The following TNNI3K variants were observed in gnomAD, a reference collection of about 807,000 sequenced individuals.
The protein encoded by TNNI3K is serine/threonine-protein kinase TNNI3K.
A neutral mutation model predicts 114.5 loss-of-function variants in TNNI3K; 140 were observed. That is an observed-to-expected ratio of 1.22 (90% CI 1.07 to 1.41). The LOEUF is 1.41. Ranked by LOEUF, TNNI3K falls within the 40% of genes most tolerant of loss-of-function variation. The pLI is 0.00. For missense variants in TNNI3K, 1,125 were observed against 1,007.6 expected (o/e 1.12, Z -1.58); for synonymous variants, 347 against 347.5 (o/e 1.00, Z 0.02).
At chr1:74,454,813 A>T (rs1167409784) in intron 20 of TNNI3K, among the ~76,000 whole-genome samples, 3 of 152,110 alleles carry the variant, frequency 2.0e-5, no homozygotes, top group African/African-American at 7.2e-5. Flanking sequence ...CATCTCAGTG[A>T]CTGTACAAAT....
intron 4 of TNNI3K, among the ~76,000 whole-genome samples, chr1:74,254,016 T>TAC (rs1655124765): frequency 6.6e-6 from 1 of 152,262 alleles, no homozygotes; most frequent in South Asian, 2.1e-4. Context: ...ATAATTCATT[T>TAC]TGGGCTCCAG....
At chr1:74,407,013 C>T (rs533114716) in intron 17 of TNNI3K, among the ~76,000 whole-genome samples, 12 of 152,298 alleles carry the variant, frequency 7.9e-5, no homozygotes, top group African/African-American at 2.9e-4. Context: ...CCCATCCAAG[C>T]CTTCCAACAA....
chr1:74,529,371 A>C (rs2100435435), intron 23 of TNNI3K, among the ~76,000 whole-genome samples: 1 of 152,274 alleles, frequency 6.6e-6, no homozygotes, highest in South Asian at 2.1e-4. Flanking sequence ...CTCTGATAAA[A>C]CCAAATTGAA....
At chr1:74,250,185 C>A (rs1169130982) in intron 3 of TNNI3K, among the ~76,000 whole-genome samples, 4 of 152,150 alleles carry the variant, frequency 2.6e-5, no homozygotes, top group African/African-American at 7.2e-5. Flanking sequence ...AACCATATTC[C>A]TTAACCATTT....
chr1:74,413,523 T>C (rs551809412), intron 17 of TNNI3K, among the ~76,000 whole-genome samples: 1 of 152,224 alleles, frequency 6.6e-6, no homozygotes, highest in Admixed American at 6.5e-5. Flanking sequence ...GATATGTTAA[T>C]GTTTAAGAAA....
At chr1:74,465,814 C>A (rs1202955259) in intron 21 of TNNI3K, among the ~76,000 whole-genome samples, 1 of 152,174 alleles carries the variant, frequency 6.6e-6, no homozygotes, top group Non-Finnish European at 1.5e-5. Flanking sequence ...GGACCGTAAA[C>A]ACACCAATCA....
intron 21 of TNNI3K, among the ~76,000 whole-genome samples, chr1:74,481,990 C>G (rs1668529313): frequency 6.6e-6 from 1 of 152,176 alleles, no homozygotes; most frequent in South Asian, 2.1e-4. Flanking sequence ...AGAGTGCCTT[C>G]TTTTGGAAGA....
intron 17 of TNNI3K, among the ~76,000 whole-genome samples, chr1:74,402,477 C>T (rs1378200824): frequency 6.6e-6 from 1 of 152,198 alleles, no homozygotes; most frequent in Non-Finnish European, 1.5e-5. Context: ...TGAACCATGG[C>T]AAGTTGAATC....
At chr1:74,350,776 G>A (rs1048655595) in intron 9 of TNNI3K, among the ~76,000 whole-genome samples, 6 of 147,748 alleles carry the variant, frequency 4.1e-5, no homozygotes, top group African/African-American at 1.6e-4. Flanking sequence ...TTATCCAAGA[G>A]TAGGATTGCA....
intron 5 of TNNI3K, among the ~76,000 whole-genome samples, chr1:74,329,263 A>G (rs1385475465): frequency 1.3e-5 from 2 of 152,070 alleles, no homozygotes; most frequent in Non-Finnish European, 2.9e-5. Context: ...CATGAAACAG[A>G]GTAGACTTTG....
At chr1:74,416,084 G>A (rs1048237291) in intron 17 of TNNI3K, among the ~76,000 whole-genome samples, 3 of 152,132 alleles carry the variant, frequency 2.0e-5, no homozygotes, top group African/African-American at 7.2e-5. Context: ...TTTGGAGGAA[G>A]GTGCTGTACG....
chr1:74,307,399 T>G (rs1034642374), intron 5 of TNNI3K, among the ~76,000 whole-genome samples: 1 of 152,118 alleles, frequency 6.6e-6, no homozygotes, highest in Non-Finnish European at 1.5e-5. Context: ...ATGTGATGGG[T>G]TTACTTTGAC....
chr1:74,544,062 A>G lies in TNNI3K; in HGVS notation c.*80A>G. The G allele has an allele frequency of 6.7e-7, 1 of 1,490,428 alleles. No individual in the cohort carries two copies. Among genetic ancestry groups the G allele is most frequent in the Non-Finnish European group, 9.1e-7 (1 of 1,096,688 alleles). 92.3% of individuals were successfully genotyped at this position (1,490,428 alleles called of 1,614,324 possible). ...TCCAACCACGGCAAGCTGGCTTCCA[A>G]CTATAACATTTTACTCTCAAAGGTC... On this transcript the variant is annotated 3_prime_UTR_variant, in exon 25 of 25. Transcript: ENST00000326637.
At position 74,388,416 on chromosome 1, in the gene TNNI3K, G is replaced by A. The variant is rs1016718039; in HGVS notation, c.1772+18024G>A. ...AGAAACAGTGGAAAAGGAGGAGGAG[G>A]AAAATGCAGATGCAGTGACAATTCA... On this transcript the variant is annotated intron_variant, in intron 17 of 24. Coordinates refer to ENST00000326637, the MANE Select transcript of TNNI3K (RefSeq NM_015978.3). Among the ~76,000 whole-genome samples, 9 of 152,300 alleles carry A rather than the reference G, an allele frequency of 5.9e-5. No individual in the cohort carries two copies. In the South Asian group the frequency reaches 1.4e-3, roughly 25 times the overall value.
intron 11 of TNNI3K, among the ~76,000 whole-genome samples, chr1:74,362,835 TACAC>T (rs575468997): frequency 6.6e-6 from 1 of 152,088 alleles, no homozygotes; most frequent in Non-Finnish European, 1.5e-5. Flanking sequence ...ATTTGGAGAA[TACAC>T]ACAGGACTGA....
intron 3 of TNNI3K, among the ~76,000 whole-genome samples, chr1:74,249,965 G>A (rs1402378944): frequency 1.3e-5 from 2 of 152,160 alleles, no homozygotes; most frequent in African/African-American, 2.4e-5. Context: ...TGATCGAAGT[G>A]AAGATTAAGA....
chr1:74,451,847 T>C (rs1667042764), intron 20 of TNNI3K, among the ~76,000 whole-genome samples: 2 of 151,150 alleles, frequency 1.3e-5, no homozygotes, highest in Non-Finnish European at 2.9e-5. Flanking sequence ...TACCTCAGAT[T>C]TGTCTATTTC....
intron 23 of TNNI3K, among the ~76,000 whole-genome samples, chr1:74,522,254 A>T (rs538544722): frequency 6.6e-6 from 1 of 152,322 alleles, no homozygotes; most frequent in East Asian, 1.9e-4. Flanking sequence ...TTTAGGACAG[A>T]TCTGCTCTTG....
At position 74,235,472 on chromosome 1, in the gene TNNI3K, A is replaced by AC. The variant is rs1653790690; in HGVS notation, c.23dup (p.Thr9AsnfsTer6). ...AATAAATGGGAAATTATAAATCTAG[A>AC]CCAACCCAAACTTGTACTGGTAATT... On this transcript the variant is annotated frameshift_variant, in exon 1 of 25. Transcript: ENST00000326637. LOFTEE classifies it high-confidence loss of function. 6.6e-7 allele frequency: 1 copy of AC among 1,510,272 alleles called. No individual in the cohort carries two copies. The highest frequency in any genetic ancestry group is 9.1e-7 in the Non-Finnish European group (1 of 1,101,872). The allele number at this position is 1,510,272 out of a possible 1,614,324, so 93.6% of individuals were successfully genotyped here.
Sources: gnomAD v4.1 joint callset for allele counts (sites outside exome capture counted in the v4.1 genomes callset) on GRCh38, gnomAD v4.1.1 for gene constraint, MANE v1.5 for transcripts, NCBI Gene and HGNC (gene_info 2026-07-23, HGNC 2026-07-21) for gene names.